DPYS: variants seen among roughly 807,000 people sequenced by gnomAD.
DPYS encodes dihydropyrimidine amidohydrolase.
Under a neutral mutation model 50.3 loss-of-function variants are expected in DPYS, and 39 were observed. The ratio of observed to expected loss-of-function variants is 0.78; its 90% CI spans 0.60 to 1.01. DPYS has a LOEUF of 1.01. DPYS is among the 50% of genes least tolerant of loss of function. The pLI, the probability that DPYS is intolerant of heterozygous loss-of-function variation, is 0.00. For missense variants in DPYS, 659 were observed against 680.9 expected, an observed-to-expected ratio of 0.97 and a Z score of 0.36; for synonymous variants, 245 against 250.7, an observed-to-expected ratio of 0.98 and a Z score of 0.22.
chr8:104,429,750 G>A (rs761787901), intron 4 of DPYS, 49 bp from the exon 5 acceptor site: 1 of 1,608,834 alleles, frequency 6.2e-7, no homozygotes, highest in Non-Finnish European at 8.5e-7. Context: ...ATTCTTAAGA[G>A]GACCATATGA....
chr8:104,451,205 C>A, intron 2 of DPYS, 41 bp downstream of exon 2: 1 of 1,612,416 alleles, frequency 6.2e-7, no homozygotes, highest in South Asian at 1.1e-5. Context: ...AGAGTGAGGA[C>A]AAGAGGACAA....
chr8:104,394,619 T>G (rs374747023), intron 7 of DPYS, among the ~76,000 whole-genome samples: 11 of 151,848 alleles, frequency 7.2e-5, no homozygotes, highest in African/African-American at 2.2e-4. Context: ...CCCTCCTGCA[T>G]TCCTTACCAC....
intron 1 of DPYS, among the ~76,000 whole-genome samples, chr8:104,456,552 C>T (rs185188048): frequency 5.9e-5 from 9 of 152,330 alleles, no homozygotes; most frequent in Admixed American, 2.6e-4. Flanking sequence ...TTATCTCCCT[C>T]TCCTCAACCC....
chr8:104,445,042 G>T (rs1158239545), intron 3 of DPYS, among the ~76,000 whole-genome samples: 1 of 152,134 alleles, frequency 6.6e-6, no homozygotes, highest in Non-Finnish European at 1.5e-5. Flanking sequence ...TCAGAGAAAT[G>T]CACATCAAAA....
chr8:104,433,634 C>CA (rs923302951), intron 4 of DPYS, among the ~76,000 whole-genome samples: 6 of 151,210 alleles, frequency 4.0e-5, no homozygotes, highest in Admixed American at 1.3e-4. Context: ...ACTCTTTTTC[C>CA]AAAAAAAAGA....
At chr8:104,451,063 A>G (rs1399910587) in intron 2 of DPYS, among the ~76,000 whole-genome samples, 183 bp downstream of exon 2, 1 of 152,236 alleles carries the variant, frequency 6.6e-6, no homozygotes, top group Non-Finnish European at 1.5e-5. Context: ...TTTAGTTTTT[A>G]AAATTGGTAA....
intron 7 of DPYS, among the ~76,000 whole-genome samples, chr8:104,400,520 G>T (rs1811761978): frequency 6.6e-6 from 1 of 152,212 alleles, no homozygotes; most frequent in African/African-American, 2.4e-5. Context: ...TGACTGATTG[G>T]ACAGCTAGGA....
chr8:104,399,624 C>T (rs1304739500), intron 7 of DPYS, among the ~76,000 whole-genome samples: 1 of 151,806 alleles, frequency 6.6e-6, no homozygotes, highest in African/African-American at 2.4e-5. Flanking sequence ...AATCCCAGCA[C>T]TTTGGGAGGC....
intron 7 of DPYS, among the ~76,000 whole-genome samples, chr8:104,417,396 C>G (rs1489843698): frequency 6.6e-6 from 1 of 152,218 alleles, no homozygotes; most frequent in Non-Finnish European, 1.5e-5. Context: ...ACATGTCACT[C>G]TCTCTAATAA....
At chr8:104,383,995 C>T (rs933616699) in intron 8 of DPYS, among the ~76,000 whole-genome samples, 3 of 152,152 alleles carry the variant, frequency 2.0e-5, no homozygotes, top group Non-Finnish European at 2.9e-5. Flanking sequence ...ACCCTGGTCA[C>T]GCTGACCATC....
intron 7 of DPYS, among the ~76,000 whole-genome samples, chr8:104,398,261 G>A (rs561586696): frequency 1.0e-3 from 155 of 152,380 alleles, no homozygotes; most frequent in African/African-American, 3.4e-3. Context: ...GTGGAGGGTA[G>A]AGATGGGTCA....
chr8:104,417,565 G>C (rs1588426141), intron 7 of DPYS, among the ~76,000 whole-genome samples: 1 of 152,294 alleles, frequency 6.6e-6, no homozygotes, highest in South Asian at 2.1e-4. Flanking sequence ...TTCAGATATG[G>C]AAAACGTCCT....
intron 7 of DPYS, among the ~76,000 whole-genome samples, chr8:104,407,155 T>A (rs1564087835): frequency 6.6e-6 from 1 of 152,218 alleles, no homozygotes; most frequent in Non-Finnish European, 1.5e-5. Context: ...TTATTTTATT[T>A]AACCCTATGG....
chr8:104,423,437 G>A (rs943654922), intron 7 of DPYS, among the ~76,000 whole-genome samples: 1 of 152,140 alleles, frequency 6.6e-6, no homozygotes, highest in Non-Finnish European at 1.5e-5. Context: ...TTGAAGCTGG[G>A]CCTTTGTGAC....
intron 2 of DPYS, 87 bp from the exon 3 acceptor site, chr8:104,447,590 G>A: frequency 2.0e-6 from 3 of 1,472,048 alleles, no homozygotes; most frequent in Non-Finnish European, 2.8e-6. Flanking sequence ...GCATTCGGAA[G>A]AGAACTAAGT....
chr8:104,392,729 TC>T, intron 8 of DPYS, 54 bp downstream of exon 8: 1 of 1,604,436 alleles, frequency 6.2e-7, no homozygotes, highest in South Asian at 1.1e-5. Context: ...CAGCCAGACA[TC>T]CAGAAGCAGG....
At chr8:104,434,049 A>G (rs1056837683) in intron 4 of DPYS, among the ~76,000 whole-genome samples, 2 of 152,192 alleles carry the variant, frequency 1.3e-5, no homozygotes, top group African/African-American at 4.8e-5. Context: ...GGCACAGTCT[A>G]GTTTTATACA....
At chr8:104,409,551 CA>C (rs1392706435) in intron 7 of DPYS, among the ~76,000 whole-genome samples, 1 of 151,808 alleles carries the variant, frequency 6.6e-6, no homozygotes, top group Non-Finnish European at 1.5e-5. Flanking sequence ...AATGTATAAA[CA>C]AGGATGAAAC....
intron 7 of DPYS, among the ~76,000 whole-genome samples, chr8:104,412,412 A>G (rs1368184024): frequency 1.3e-5 from 2 of 152,196 alleles, no homozygotes; most frequent in East Asian, 3.8e-4. Flanking sequence ...GATTAATAGG[A>G]AACAGTTATA....
Sources: allele counts gnomAD v4.1 joint callset (sites outside exome capture counted in the v4.1 genomes callset), GRCh38; gene constraint gnomAD v4.1.1; transcripts MANE v1.5; gene names NCBI Gene and HGNC (gene_info 2026-07-23, HGNC 2026-07-21).